Variants in CCDC171 observed in about 807,000 individuals in gnomAD.
CCDC171 encodes coiled-coil domain containing 171, also known as coiled-coil domain-containing protein 171.
A neutral mutation model predicts 168.2 loss-of-function variants in CCDC171; 177 were observed. The observed-to-expected ratio is 1.05, with a 90% CI of 0.93 to 1.19. CCDC171 has a LOEUF of 1.19. CCDC171 is among the 50% of genes most tolerant of loss of function. The probability of loss-of-function intolerance (pLI) is 0.00; values close to 1 mark genes in which losing one functional copy is unlikely to be tolerated. For missense variants in CCDC171, 1,991 were observed against 1,539.0 expected (o/e 1.29, Z -4.91); for synonymous variants, 687 against 540.8 (o/e 1.27, Z -3.75).
chr9:15,759,381 C>G (rs549545159), intron 18 of CCDC171, among the ~76,000 whole-genome samples: 1 of 152,256 alleles, frequency 6.6e-6, no homozygotes, highest in East Asian at 1.9e-4. Flanking sequence ...CAGTTGCATT[C>G]TGGTTATTCT....
chr9:15,553,207 A>T lies in CCDC171; in HGVS notation c.-207A>T, dbSNP rs1280111002. On this transcript the variant is annotated 5_prime_UTR_variant, in exon 1 of 26. Coordinates refer to ENST00000380701, the MANE Select transcript of CCDC171 (RefSeq NM_173550.4). ...TCGTGTTCCAACAGTTTTTGCTCTT[A>T]TTCCCGTGGGCTGCCTGGGCCTCCT... 1.3e-5 allele frequency: 2 copies of T among 152,906 alleles called. No individual in the cohort carries two copies. Among genetic ancestry groups the T allele is most frequent in the African/African-American group, 4.8e-5 (2 of 41,316 alleles). The allele number at this position is 152,906 out of a possible 1,614,324, so 9.5% of individuals were successfully genotyped here.
At position 15,860,664 on chromosome 9, in the gene CCDC171, A is replaced by G. The variant is rs186306313; in HGVS notation, c.3468+11717A>G. On this transcript the variant is annotated intron_variant, in intron 23 of 25. Transcript: ENST00000380701. ...TAAATCTATTAAGACTTGTTTTGAC[A>G]CCTAACATATGATATATCCTGGAAA... Among the ~76,000 whole-genome samples, 206 of 152,126 alleles carry G rather than the reference A, an allele frequency of 1.4e-3. 2 individuals are homozygous for G. Among genetic ancestry groups the G allele is most frequent in the Admixed American group, 5.5e-3 (83 of 15,222 alleles).
intron 25 of CCDC171, among the ~76,000 whole-genome samples, chr9:15,943,768 A>T (rs1342186980): frequency 6.6e-6 from 1 of 152,026 alleles, no homozygotes; most frequent in Non-Finnish European, 1.5e-5. Flanking sequence ...AAAAAGGCAT[A>T]ATGAAGAGTT....
chr9:15,642,720 T>A (rs2046740432), intron 7 of CCDC171, among the ~76,000 whole-genome samples: 1 of 152,152 alleles, frequency 6.6e-6, no homozygotes, highest in Non-Finnish European at 1.5e-5. Context: ...AATAAGCACC[T>A]TATAATTTTC....
At chr9:16,055,012 G>A (rs924776697) in intron 1 of CCDC171, among the ~76,000 whole-genome samples, 5 of 152,182 alleles carry the variant, frequency 3.3e-5, no homozygotes, top group South Asian at 2.1e-4. Flanking sequence ...TGCTGCGGTG[G>A]CCAGGTGAGA....
chr9:15,668,608 C>T (rs1472941), intron 9 of CCDC171, among the ~76,000 whole-genome samples: 140,253 of 152,138 alleles, frequency 0.92, 64,788 homozygotes, highest in East Asian at 1. Flanking sequence ...CCAATAATCA[C>T]TGAAAATTTC....
intron 2 of CCDC171, among the ~76,000 whole-genome samples, chr9:15,570,603 C>G (rs1587034352): frequency 6.6e-6 from 1 of 152,232 alleles, no homozygotes. Flanking sequence ...GTGGCATGCT[C>G]TGTAGGGTTA....
intron 21 of CCDC171, among the ~76,000 whole-genome samples, chr9:15,810,822 G>T (rs1275322194): frequency 5.9e-5 from 9 of 152,226 alleles, no homozygotes; most frequent in African/African-American, 1.9e-4. Flanking sequence ...GCTGGCTTCA[G>T]CATGGGCCGG....
At chr9:15,699,953 A>C (rs1054726505) in intron 11 of CCDC171, among the ~76,000 whole-genome samples, 1 of 152,242 alleles carries the variant, frequency 6.6e-6, no homozygotes, top group Non-Finnish European at 1.5e-5. Context: ...CCACGTCCCC[A>C]CCAGACTCAG....
At chr9:15,591,291 C>G in intron 4 of CCDC171, 75 bp from the exon 5 acceptor site, 1 of 844,986 alleles carries the variant, frequency 1.2e-6, no homozygotes, top group Non-Finnish European at 1.9e-6. Context: ...GATGTCAACT[C>G]CAATGCCTAG....
At chr9:15,634,952 A>C (rs79167236) in intron 7 of CCDC171, among the ~76,000 whole-genome samples, 20 of 152,194 alleles carry the variant, frequency 1.3e-4, no homozygotes, top group African/African-American at 4.1e-4. Flanking sequence ...AGGTTTGTCC[A>C]TGTTGCAGCA....
the CCDC171 span, among the ~76,000 whole-genome samples, chr9:16,082,740 A>G: frequency 6.6e-6 from 1 of 152,228 alleles, no homozygotes; most frequent in African/African-American, 2.4e-5. Context: ...CATAGAATGG[A>G]CCGTGCATTC....
chr9:16,087,475 A>G, the CCDC171 span, among the ~76,000 whole-genome samples: 6 of 150,614 alleles, frequency 4.0e-5, no homozygotes, highest in African/African-American at 1.5e-4. Flanking sequence ...TCCCTTTGCC[A>G]TTATGTAATG....
chr9:15,702,798 T>A (rs2051863795), intron 11 of CCDC171, among the ~76,000 whole-genome samples: 1 of 152,226 alleles, frequency 6.6e-6, no homozygotes, highest in Non-Finnish European at 1.5e-5. Flanking sequence ...AGAAGGCTTT[T>A]TTCCTTGAAC....
At chr9:15,946,377 C>T (rs1047916666) in intron 25 of CCDC171, among the ~76,000 whole-genome samples, 2 of 151,938 alleles carry the variant, frequency 1.3e-5, no homozygotes, top group Non-Finnish European at 2.9e-5. Context: ...ACACCAATAA[C>T]AGACAAACAG....
intron 18 of CCDC171, among the ~76,000 whole-genome samples, chr9:15,749,179 C>G (rs2055531318): frequency 6.6e-6 from 1 of 151,398 alleles, no homozygotes; most frequent in Non-Finnish European, 1.5e-5. Context: ...ATTCTAGTCT[C>G]TGATACAACA....
In CCDC171 at chr9:15,729,800, T is replaced by C. The variant is rs2054040838; in HGVS notation, c.2049+2T>C. 3 of 1,595,372 alleles carry C rather than the reference T, an allele frequency of 1.9e-6. No individual in the cohort carries two copies. The highest frequency in any genetic ancestry group is 1.3e-5 in the African/African-American group (1 of 74,248). ...CTGGAGGTGCAGAAGAGGGCACAGG[T>C]ATGCTACCTTTACAAAGAGCTTTAA... On this transcript the variant is annotated splice_donor_variant, in intron 16 of 25. Transcript: ENST00000380701. LOFTEE classifies it high-confidence loss of function.
At chr9:15,756,621 A>G (rs1190544825) in intron 18 of CCDC171, among the ~76,000 whole-genome samples, 1 of 152,200 alleles carries the variant, frequency 6.6e-6, no homozygotes, top group Non-Finnish European at 1.5e-5. Context: ...ACTTATAAGT[A>G]AAAACATGCG....
At chr9:15,795,135 G>A (rs1038494938) in intron 21 of CCDC171, among the ~76,000 whole-genome samples, 1 of 152,150 alleles carries the variant, frequency 6.6e-6, no homozygotes, top group African/African-American at 2.4e-5. Context: ...CATCTGGTGA[G>A]GACCTTCTTT....
Sources: allele counts gnomAD v4.1 joint callset (sites outside exome capture counted in the v4.1 genomes callset), GRCh38; gene constraint gnomAD v4.1.1; transcripts MANE v1.5; gene names NCBI Gene and HGNC (gene_info 2026-07-23, HGNC 2026-07-21).